The following ANTXR1 variants were observed in gnomAD, a reference collection of about 807,000 sequenced individuals.
ANTXR1 encodes anthrax toxin receptor 1.
ANTXR1 carries 19 observed loss-of-function variants against 78.1 expected under a neutral mutation model. That is an observed-to-expected ratio of 0.24 (90% confidence interval 0.17 to 0.36). ANTXR1 has a LOEUF of 0.36. ANTXR1 is among the 10% of genes least tolerant of loss of function. The pLI is 1.00. For synonymous variants in ANTXR1, 273 were observed against 260.5 expected, an observed-to-expected ratio of 1.05 and a Z score of -0.46; for missense variants, 518 against 718.6, an observed-to-expected ratio of 0.72 and a Z score of 3.19.
At chr2:69,174,126 TA>T (rs1187540921) in intron 14 of ANTXR1, among the ~76,000 whole-genome samples, 1 of 152,180 alleles carries the variant, frequency 6.6e-6, no homozygotes, top group African/African-American at 2.4e-5. Context: ...TAGGCAATAA[TA>T]GTTAAAACAT....
chr2:69,083,533 G>A (rs1157315326), intron 8 of ANTXR1, among the ~76,000 whole-genome samples: 2 of 152,170 alleles, frequency 1.3e-5, no homozygotes, highest in African/African-American at 2.4e-5. Context: ...ATGTGGATCT[G>A]TTCCATGCCT....
Position 69,213,009 on chromosome 2 carries a change from G to T in ANTXR1, c.1434+19594G>T, listed in dbSNP as rs1675084609. On this transcript the variant is annotated intron_variant, in intron 17 of 17. Transcript: ENST00000303714. ...TTTGGTAGAGAGAGGGTCTCACTAT[G>T]GTGTCCAGTCTGGTCTCAAACTCCT... 4.7e-5 allele frequency among the ~76,000 whole-genome samples: 6 copies of T among 126,746 alleles called. No homozygotes were observed. In the South Asian group the frequency reaches 1.6e-3, roughly 33 times the overall value. The allele number at this position is 126,746 out of a possible 152,430, so 83.2% of individuals were successfully genotyped here.
At chr2:69,055,530 A>G (rs985139121) in intron 3 of ANTXR1, among the ~76,000 whole-genome samples, 1 of 152,132 alleles carries the variant, frequency 6.6e-6, no homozygotes, top group African/African-American at 2.4e-5. Context: ...CTGCTTCTCA[A>G]TCCCTTCCTC....
At chr2:69,030,633 C>T (rs1048184034) in intron 1 of ANTXR1, among the ~76,000 whole-genome samples, 3 of 152,124 alleles carry the variant, frequency 2.0e-5, no homozygotes, top group South Asian at 4.1e-4. Context: ...TCTCTGAATA[C>T]TTAAGCATTC....
intron 1 of ANTXR1, among the ~76,000 whole-genome samples, chr2:69,036,854 G>A (rs1669446700): frequency 6.6e-6 from 1 of 152,156 alleles, no homozygotes; most frequent in African/African-American, 2.4e-5. Flanking sequence ...AGGACCCCCA[G>A]GGCCAGAGCA....
In ANTXR1 at chr2:69,241,034, G is replaced by T. The variant is rs79366465; in HGVS notation, c.1435-4191G>T. On this transcript the variant is annotated intron_variant, in intron 17 of 17. Coordinates refer to ENST00000303714, the MANE Select transcript of ANTXR1 (RefSeq NM_032208.3). ...ATTTTCTTCTTAGAATTTAATCTGA[G>T]AAATTTTTGCTAATGTGTGAAAATA... Among the ~76,000 whole-genome samples the T allele has an allele frequency of 8.2e-3, 1,253 of 152,246 alleles. 13 individuals are homozygous for T. The highest frequency in any genetic ancestry group is 0.029 in the African/African-American group (1,199 of 41,550).
chr2:69,116,073 A>G (rs1260146071), intron 10 of ANTXR1, among the ~76,000 whole-genome samples: 1 of 152,212 alleles, frequency 6.6e-6, no homozygotes, highest in Non-Finnish European at 1.5e-5. Flanking sequence ...CTGTCCAAGT[A>G]AAAGCCATTC....
chr2:69,233,024 G>A (rs1472233944), intron 17 of ANTXR1, among the ~76,000 whole-genome samples: 2 of 152,066 alleles, frequency 1.3e-5, no homozygotes, highest in African/African-American at 4.8e-5. Context: ...AAATCTTGAT[G>A]AATTATTTTC....
chr2:69,077,298 C>T, intron 7 of ANTXR1, 110 bp from the exon 8 acceptor site: 1 of 1,177,608 alleles, frequency 8.5e-7, no homozygotes, highest in East Asian at 2.4e-5. Flanking sequence ...CTCATATTCC[C>T]CTGGGTTCTG....
chr2:69,025,501 T>C (rs928163023), intron 1 of ANTXR1, among the ~76,000 whole-genome samples: 6 of 152,214 alleles, frequency 3.9e-5, no homozygotes, highest in African/African-American at 1.4e-4. Context: ...GAAGATGGCT[T>C]TCCCAACATC....
chr2:69,112,445 A>C (rs1339947407), intron 10 of ANTXR1, among the ~76,000 whole-genome samples: 2 of 152,160 alleles, frequency 1.3e-5, no homozygotes, highest in Non-Finnish European at 2.9e-5. Context: ...ACTGACTCCA[A>C]ATGCCCAGGT....
intron 10 of ANTXR1, among the ~76,000 whole-genome samples, chr2:69,118,921 A>C (rs148968313): frequency 6.6e-6 from 1 of 152,164 alleles, no homozygotes; most frequent in South Asian, 2.1e-4. Context: ...CTCTCGGAGC[A>C]GAAAATGCCA....
At chr2:69,096,823 CGT>C (rs1385470401) in intron 9 of ANTXR1, among the ~76,000 whole-genome samples, 1 of 152,094 alleles carries the variant, frequency 6.6e-6, no homozygotes, top group Non-Finnish European at 1.5e-5. Context: ...TTAAAAGAAA[CGT>C]ATACACTTTC....
chr2:69,168,922 A>G (rs1183690122), intron 13 of ANTXR1, among the ~76,000 whole-genome samples: 1 of 152,272 alleles, frequency 6.6e-6, no homozygotes, highest in Non-Finnish European at 1.5e-5. Context: ...ATGGAATACC[A>G]TACTTTCAGA....
Position 69,172,018 on chromosome 2 carries a change from T to C in ANTXR1, c.1089+1729T>C, listed in dbSNP as rs190865436. On this transcript the variant is annotated intron_variant, in intron 14 of 17. Transcript: ENST00000303714. The stretch of plus-strand genomic sequence containing the variant: ...AGCTTCCTCACCTGTCCCCTGTCAC[T>C]CTATCAAAGGGATAACTCACGTGAA... Among the ~76,000 whole-genome samples the C allele has an allele frequency of 1.7e-3, 257 of 152,308 alleles. 1 individual carries two copies. The highest frequency in any genetic ancestry group is 1.7e-3 in the Non-Finnish European group (117 of 68,028).
chr2:69,059,295 C>T (rs1337688542), intron 3 of ANTXR1, among the ~76,000 whole-genome samples: 1 of 152,102 alleles, frequency 6.6e-6, no homozygotes, highest in Non-Finnish European at 1.5e-5. Flanking sequence ...ATGGGTCAAA[C>T]TTCATTGTTG....
At chr2:69,166,677 C>A (rs1343831780) in intron 13 of ANTXR1, among the ~76,000 whole-genome samples, 3 of 152,208 alleles carry the variant, frequency 2.0e-5, no homozygotes, top group South Asian at 2.1e-4. Flanking sequence ...TTATTAACGA[C>A]CCTTCAACCC....
At chr2:69,021,259 G>A (rs1188905850) in intron 1 of ANTXR1, among the ~76,000 whole-genome samples, 4 of 152,136 alleles carry the variant, frequency 2.6e-5, no homozygotes, top group African/African-American at 9.7e-5. Flanking sequence ...CACTCTGAAT[G>A]GTGAAACTAA....
At chr2:69,241,696 C>G (rs1218751524) in intron 17 of ANTXR1, among the ~76,000 whole-genome samples, 1 of 152,084 alleles carries the variant, frequency 6.6e-6, no homozygotes, top group Admixed American at 6.5e-5. Context: ...TATAGAAGCT[C>G]TAGTCTGCAG....
Sources: allele counts gnomAD v4.1 joint callset (sites outside exome capture counted in the v4.1 genomes callset), GRCh38; gene constraint gnomAD v4.1.1; transcripts MANE v1.5; gene names NCBI Gene and HGNC (gene_info 2026-07-23, HGNC 2026-07-21).